Variants in SLC9A8 observed in about 807,000 individuals in gnomAD.
SLC9A8 encodes the protein solute carrier family 9 member A8.
SLC9A8 carries 48 observed loss-of-function variants against 66.6 expected under a neutral mutation model. The ratio of observed to expected loss-of-function variants is 0.72; its 90% CI spans 0.57 to 0.92. The LOEUF (loss-of-function observed/expected upper bound fraction) is 0.92, where lower values mean the gene tolerates loss of function less well. SLC9A8 is among the 40% of genes least tolerant of loss of function. The pLI, the probability that SLC9A8 is intolerant of heterozygous loss-of-function variation, is 0.00. For synonymous variants in SLC9A8, 274 were observed against 282.6 expected, an observed-to-expected ratio of 0.97 and a Z score of 0.31; for missense variants, 599 against 747.3, an observed-to-expected ratio of 0.80 and a Z score of 2.31.
intron 3 of SLC9A8, chr20:49,830,076 C>T (rs901447185): frequency 2.7e-6 from 2 of 728,060 alleles, no homozygotes; most frequent in African/African-American, 1.7e-5. Context: ...GATGCAGATC[C>T]TCATTTCCAT....
intron 3 of SLC9A8, chr20:49,829,684 A>G: frequency 2.1e-6 from 1 of 478,000 alleles, no homozygotes; most frequent in Non-Finnish European, 4.1e-6. Context: ...CAAGCGGTGG[A>G]TGCCGCCAAA....
intron 12 of SLC9A8, among the ~76,000 whole-genome samples, chr20:49,879,702 G>A (rs975887379): frequency 1.3e-5 from 2 of 151,518 alleles, no homozygotes; most frequent in African/African-American, 4.9e-5. Context: ...GCACACGCCT[G>A]TAATCCCAGC....
chr20:49,847,404 G>A (rs1423507804), intron 5 of SLC9A8, among the ~76,000 whole-genome samples: 1 of 147,928 alleles, frequency 6.8e-6, no homozygotes, highest in Non-Finnish European at 1.5e-5. Flanking sequence ...TTTTTTTAGA[G>A]GGGAGAGAAA....
At chr20:49,818,617 A>G (rs1190711976) in intron 2 of SLC9A8, among the ~76,000 whole-genome samples, 1 of 151,418 alleles carries the variant, frequency 6.6e-6, no homozygotes, top group East Asian at 1.9e-4. Context: ...CAGCCTCCCA[A>G]GTAGCTGGGG....
intron 10 of SLC9A8, among the ~76,000 whole-genome samples, chr20:49,872,546 C>G (rs964517080): frequency 6.6e-6 from 1 of 151,576 alleles, no homozygotes; most frequent in African/African-American, 2.4e-5. Context: ...AGTGCAGTGC[C>G]GCAATCTCGG....
At chr20:49,838,200 G>A (rs1393286839) in intron 3 of SLC9A8, among the ~76,000 whole-genome samples, 1 of 152,172 alleles carries the variant, frequency 6.6e-6, no homozygotes, top group Non-Finnish European at 1.5e-5. Context: ...AACGAAGATG[G>A]GGGTGGAAGT....
At position 49,845,039 on chromosome 20, in the gene SLC9A8, G is replaced by A. The variant is rs1050516151; in HGVS notation, c.352G>A (p.Glu118Lys). ...EFKKLANWKE[E>K]EMFRPNMFFL... ...GATACTCATTTTCTATTTACAGGAA[G>A]AAGAAATGTTTCGTCCAAACATGTT... The change falls in exon 5 of 16, where the codon GAA becomes AAA. Residue 118 changes from glutamate to lysine, a missense_variant. By Grantham distance (56) the Glu-to-Lys change is moderately conservative. This residue lies in a region of SLC9A8 where 467 missense variants were observed against 626.5 expected (regional missense o/e 0.75). Transcript: ENST00000361573. The A allele has an allele frequency of 1.2e-6, 2 of 1,609,492 alleles. No individual in the cohort carries two copies. The highest frequency in any genetic ancestry group is 1.7e-5 in the Admixed American group (1 of 60,002).
intron 3 of SLC9A8, chr20:49,830,346 T>C: frequency 1.1e-6 from 1 of 932,566 alleles, no homozygotes; most frequent in Non-Finnish European, 1.8e-6. Context: ...TTTGTTCATC[T>C]AGGAGGGGGC....
chr20:49,839,486 G>T, intron 3 of SLC9A8, 55 bp from the exon 4 acceptor site: 1 of 1,225,886 alleles, frequency 8.2e-7, no homozygotes, highest in South Asian at 1.3e-5. Flanking sequence ...TCTTAAATTT[G>T]AGTAATCTTT....
At chr20:49,839,491 A>C (rs1025057546) in intron 3 of SLC9A8, 50 bp from the exon 4 acceptor site, 3 of 1,269,912 alleles carry the variant, frequency 2.4e-6, no homozygotes, top group Non-Finnish European at 3.4e-6. Flanking sequence ...AATTTGAGTA[A>C]TCTTTCTCAT....
In SLC9A8 at chr20:49,846,296, A is replaced by T. The variant is rs548382554; in HGVS notation, c.432+1177A>T. Among the ~76,000 whole-genome samples the T allele has an allele frequency of 4.3e-4, 65 of 152,280 alleles. 2 individuals are homozygous for T. The highest frequency in any genetic ancestry group is 1.6e-3 in the African/African-American group (65 of 41,552). Reference sequence around the variant, plus strand: ...AACTTAAAATACTAGTATTAATAATACAGCAGCTATTTTGTGAATGTGATT... The same window carrying T: ...AACTTAAAATACTAGTATTAATAATTCAGCAGCTATTTTGTGAATGTGATT... On this transcript the variant is annotated intron_variant, in intron 5 of 15. Coordinates refer to ENST00000361573, the MANE Select transcript of SLC9A8 (RefSeq NM_015266.3).
At chr20:49,833,812 T>A (rs1010079868) in intron 3 of SLC9A8, among the ~76,000 whole-genome samples, 7 of 152,214 alleles carry the variant, frequency 4.6e-5, no homozygotes, top group Non-Finnish European at 1.0e-4. Flanking sequence ...CATTAATTGC[T>A]CCTGATCCTC....
chr20:49,827,862 G>A (rs2086976635), intron 3 of SLC9A8, among the ~76,000 whole-genome samples: 1 of 151,926 alleles, frequency 6.6e-6, no homozygotes, highest in South Asian at 2.1e-4. Context: ...GAATCATTGG[G>A]TAAATAGAAT....
At chr20:49,878,373 G>A (rs950004629) in intron 12 of SLC9A8, among the ~76,000 whole-genome samples, 2 of 152,060 alleles carry the variant, frequency 1.3e-5, no homozygotes, top group Admixed American at 1.3e-4. Flanking sequence ...GGAGGTAAAA[G>A]CAGATTTCAA....
chr20:49,841,533 A>G (rs1229548515), intron 4 of SLC9A8, among the ~76,000 whole-genome samples: 1 of 151,568 alleles, frequency 6.6e-6, no homozygotes, highest in Non-Finnish European at 1.5e-5. Flanking sequence ...TGTGCTTAAT[A>G]TTTTTCTATC....
intron 4 of SLC9A8, among the ~76,000 whole-genome samples, chr20:49,841,647 G>A (rs2087766027): frequency 6.6e-6 from 1 of 152,120 alleles, no homozygotes; most frequent in Non-Finnish European, 1.5e-5. Flanking sequence ...CTAGAGTGCA[G>A]TGGCACGATC....
At chr20:49,881,172 G>C in intron 13 of SLC9A8, 137 bp downstream of exon 13, 1 of 643,292 alleles carries the variant, frequency 1.6e-6, no homozygotes. Context: ...GGCACCCACT[G>C]CAATCAAGAT....
intron 13 of SLC9A8, among the ~76,000 whole-genome samples, chr20:49,883,584 G>A (rs990454019): frequency 6.6e-6 from 1 of 152,164 alleles, no homozygotes; most frequent in Non-Finnish European, 1.5e-5. Flanking sequence ...AAGTCCTCCC[G>A]CACCCGCATC....
chr20:49,850,800 T>C lies in SLC9A8; in HGVS notation c.535-10T>C. The C allele has an allele frequency of 6.2e-7, 1 of 1,612,356 alleles. No individual in the cohort carries two copies. On this transcript the variant is annotated splice_polypyrimidine_tract_variant and intron_variant, in intron 6 of 15. Transcript: ENST00000361573. ...TGTGTGTCTGTGTGTTTGTGTGTTT[T>C]ATTTTACAGGCTGATGTAATCTCTA...
Sources: allele counts gnomAD v4.1 joint callset (sites outside exome capture counted in the v4.1 genomes callset), GRCh38; gene constraint gnomAD v4.1.1; regional missense constraint gnomAD v4.1.1; transcripts MANE v1.5; gene names NCBI Gene and HGNC (gene_info 2026-07-23, HGNC 2026-07-21).